The following COL7A1 variants were observed in gnomAD, a reference collection of about 807,000 sequenced individuals.
COL7A1 encodes collagen alpha-1(VII) chain.
Under a neutral mutation model 456.2 loss-of-function variants are expected in COL7A1, and 296 were observed. That is an observed-to-expected ratio of 0.65 (90% CI 0.59 to 0.71). The LOEUF is 0.71. Among genes scored for constraint, COL7A1 ranks in the 30% least tolerant of loss-of-function variants. COL7A1 has a pLI of 0.00. For missense variants in COL7A1, 3,441 were observed against 4,017.2 expected (o/e 0.86, Z 3.88); for synonymous variants, 1,464 against 1,525.9 (o/e 0.96, Z 0.95).
At position 48,594,301 on chromosome 3, in the gene COL7A1, C is replaced by T; in HGVS notation, c.266+67G>A. On this transcript the variant is annotated intron_variant, in intron 3 of 118. Transcript: ENST00000681320. This position sits in a 1 kb window ranked among gnomAD's most constrained non-coding sequence, Gnocchi z 5.5. ...CCTGGCCTGGGGTTTCCAGGGTCTC[C>T]TCCCTCTCTGGGGAAGGAGTCTTGG... 1.3e-6 allele frequency: 2 copies of T among 1,580,398 alleles called. No individual in the cohort carries two copies. Among genetic ancestry groups the T allele is most frequent in the Admixed American group, 1.7e-5 (1 of 59,848 alleles).
chr3:48,586,697 G>A lies in COL7A1; in HGVS notation c.3277-8C>T, dbSNP rs759123550. ...GTAAGACAGCAGGCCAACCTGGGGT[G>A]GAAGGAAACACAGAGCCTGAGGAGG... On this transcript the variant is annotated splice_region_variant and splice_polypyrimidine_tract_variant and intron_variant, in intron 25 of 118. Transcript: ENST00000681320. This position sits in a 1 kb window ranked among gnomAD's most constrained non-coding sequence, Gnocchi z 5.1. 13 of 1,574,512 alleles carry A rather than the reference G, an allele frequency of 8.3e-6. No individual in the cohort carries two copies. In the Admixed American group the frequency reaches 1.7e-4, roughly 21 times the overall value.
In COL7A1 at chr3:48,580,395, G is replaced by C. The variant is rs777371260; in HGVS notation, c.5053-51C>G. ...ACTCAAGGTAGGCAGCAGTTTGGGA[G>C]AGCTTTGGAAGCACCATGAGGACTC... On this transcript the variant is annotated intron_variant, in intron 55 of 118. Coordinates refer to ENST00000681320, the MANE Select transcript of COL7A1 (RefSeq NM_000094.4). The surrounding 1 kb of genome is among the most constrained non-coding windows in gnomAD (Gnocchi z 4.5). 3 of 1,591,880 alleles carry C rather than the reference G, an allele frequency of 1.9e-6. No homozygotes were observed. The highest frequency in any genetic ancestry group is 3.4e-5 in the Admixed American group (2 of 58,004).
rs769443470 is a variant in COL7A1 at position 48,580,893 on chromosome 3, G to A, written c.4969C>T (p.Arg1657Cys). ...DPGLPGKAGE[R>C]GLRGAPGVRG... The stretch of plus-strand genomic sequence containing the variant: ...CTGCCAAGACTCACCCGAAGGCCAC[G>A]CTCGCCTGCTTTTCCAGGCAAACCC... The change falls in exon 54 of 119, where the codon CGT becomes TGT. Residue 1657 changes from arginine (R) to cysteine (C), a missense_variant. By Grantham distance (180) the Arg-to-Cys change is radical. Around this residue, in one of 3 missense-constraint regions of COL7A1, gnomAD observed 2,084 missense variants for 2,501.3 expected, o/e 0.83. Transcript: ENST00000681320. This position sits in a 1 kb window ranked among gnomAD's most constrained non-coding sequence, Gnocchi z 4.5. 3.7e-6 allele frequency: 6 copies of A among 1,613,868 alleles called. No individual in the cohort carries two copies. The highest frequency in any genetic ancestry group is 1.1e-5 in the South Asian group (1 of 91,074).
In COL7A1 at chr3:48,592,153, T is replaced by A; in HGVS notation, c.1189A>T (p.Thr397Ser). The change falls in exon 10 of 119, where the codon ACC becomes TCC. Residue 397 changes from threonine to serine, a missense_variant. Physicochemically the swap from Thr to Ser is moderately conservative, Grantham distance 58 (BLOSUM62 1). Transcript: ENST00000681320. This position sits in a 1 kb window ranked among gnomAD's most constrained non-coding sequence, Gnocchi z 7.6. The stretch of plus-strand genomic sequence containing the variant: ...GGCCCCACACTGCGGCCAAATAGGG[T>A]GCTCACGGTCACCTCATAGTCCGTG... ...PGTDYEVTVS[T>S]LFGRSVGPAT... 6.2e-7 allele frequency: 1 copy of A among 1,613,694 alleles called. No homozygotes were observed. The highest frequency in any genetic ancestry group is 8.5e-7 in the Non-Finnish European group (1 of 1,179,970).
In COL7A1 at chr3:48,580,641, T is replaced by G. The variant is rs139988431; in HGVS notation, c.4992A>C (p.Gly1664=). ...CCTTTTCACCCACAGGCCCCCGAAC[T>G]CCAGGTGCCCCCTAAGAAGAGCAGC... ...AGERGLRGAP[G]VRGPVGEKGD... Residue 1664 remains glycine, a synonymous_variant, in exon 55 of 119, where the codon GGA becomes GGC. Coordinates refer to ENST00000681320, the MANE Select transcript of COL7A1 (RefSeq NM_000094.4). This position sits in a 1 kb window ranked among gnomAD's most constrained non-coding sequence, Gnocchi z 4.5. The G allele has an allele frequency of 6.0e-5, 97 of 1,613,742 alleles. No homozygotes were observed. In the African/African-American group the frequency reaches 1.1e-3, roughly 19 times the overall value.
chr3:48,570,339 A>G lies in COL7A1; in HGVS notation c.7381-5T>C, dbSNP rs1489698970. The G allele has an allele frequency of 1.9e-6, 3 of 1,613,910 alleles. No homozygotes were observed. The Admixed American group carries it at 5.0e-5, about 27-fold the overall frequency. The stretch of plus-strand genomic sequence containing the variant: ...CAGCCCTACTCCAGGGTCTCCCTGG[A>G]GACCAACAGGACACCGGGGATCAGT... On this transcript the variant is annotated splice_polypyrimidine_tract_variant and splice_region_variant and intron_variant, in intron 97 of 118. Transcript: ENST00000681320. This position sits in a 1 kb window ranked among gnomAD's most constrained non-coding sequence, Gnocchi z 5.5.
In COL7A1 at chr3:48,567,495, T is replaced by C; in HGVS notation, c.8046+79A>G. On this transcript the variant is annotated intron_variant, in intron 109 of 118. Transcript: ENST00000681320. This position sits in a 1 kb window ranked among gnomAD's most constrained non-coding sequence, Gnocchi z 4.3. The stretch of plus-strand genomic sequence containing the variant: ...AACCCTCTACAGCCTTCCTTGTCCC[T>C]ACACCCCCATGACCCGACCATGAGC... 1 of 1,590,112 alleles carries C rather than the reference T, an allele frequency of 6.3e-7. No homozygotes were observed. The highest frequency in any genetic ancestry group is 8.6e-7 in the Non-Finnish European group (1 of 1,158,810).
rs2107771956 is a variant in COL7A1 at position 48,589,334 on chromosome 3, C to T, written c.2307G>A (p.Val769=). 3.1e-6 allele frequency: 5 copies of T among 1,612,790 alleles called. No individual in the cohort carries two copies. The highest frequency in any genetic ancestry group is 3.4e-6 in the Non-Finnish European group (4 of 1,179,972). Residue 769 remains valine (V), a synonymous_variant, in exon 18 of 119, where the codon GTG becomes GTA. Coordinates refer to ENST00000681320, the MANE Select transcript of COL7A1 (RefSeq NM_000094.4). ...GVDGPPASVV[V]RTAPEPVGRV... is the part of the protein sequence containing the mutation. ...TGGCCAGGGTCCACTCACCAGTCCT[C>T]ACAACCACAGAGGCAGGGGGCCCAT...
chr3:48,586,808 C>G lies in COL7A1; in HGVS notation c.3277-119G>C. The G allele has an allele frequency of 4.7e-6, 7 of 1,503,962 alleles. No individual in the cohort carries two copies. The highest frequency in any genetic ancestry group is 6.3e-6 in the Non-Finnish European group (7 of 1,109,120). 93.2% of individuals were successfully genotyped at this position (1,503,962 alleles called of 1,614,324 possible). A position where few individuals can be genotyped will look rare whatever the true frequency, so the allele number is the denominator to read the frequency against. On this transcript the variant is annotated intron_variant, in intron 25 of 118. Transcript: ENST00000681320. The surrounding 1 kb of genome is among the most constrained non-coding windows in gnomAD (Gnocchi z 5.1). The stretch of plus-strand genomic sequence containing the variant: ...CAAACCCTATCTATTAGGGAGTCAG[C>G]AGTGATGGCAGGATAGGGAGCCAGG...
rs758686564 is a variant in COL7A1 at position 48,589,644 on chromosome 3, C to G, written c.2125G>C (p.Val709Leu). 6.2e-7 allele frequency: 1 copy of G among 1,613,862 alleles called. No individual in the cohort carries two copies. Among genetic ancestry groups the G allele is most frequent in the South Asian group, 1.1e-5 (1 of 91,078 alleles). Reference protein sequence around the residue: ...SSSVTITWTRVPGATGYRVSW... With the variant: ...SSSVTITWTRLPGATGYRVSW... ...ACCCTGTATCCTGTGGCGCCAGGAACCCTGGTCCAGGTAATGGTGACAGAT... is the reference window on the plus strand; with the variant it reads ...ACCCTGTATCCTGTGGCGCCAGGAAGCCTGGTCCAGGTAATGGTGACAGAT... The change falls in exon 17 of 119, where the codon GTT (valine) becomes CTT (leucine). Residue 709 changes from valine to leucine, a missense_variant. By Grantham distance (32) the Val-to-Leu change is conservative. Coordinates refer to ENST00000681320, the MANE Select transcript of COL7A1 (RefSeq NM_000094.4).
In COL7A1 at chr3:48,595,176, C is replaced by G. The variant is rs764022247; in HGVS notation, c.-1-16G>C. Reference sequence around the variant, plus strand: ...CAGCGTCATCCTAGGCAGTAAAAGCCGTCAGCTAGGACCCCCGCCTCTGTC... The same window carrying G: ...CAGCGTCATCCTAGGCAGTAAAAGCGGTCAGCTAGGACCCCCGCCTCTGTC... On this transcript the variant is annotated splice_polypyrimidine_tract_variant and intron_variant, in intron 1 of 118. Transcript: ENST00000681320. 2 of 1,548,426 alleles carry G rather than the reference C, an allele frequency of 1.3e-6. No homozygotes were observed. The highest frequency in any genetic ancestry group is 1.4e-5 in the African/African-American group (1 of 73,032).
intron 71 of COL7A1, 139 bp from the exon 72 acceptor site, chr3:48,576,041 C>T (rs1245598150): frequency 6.8e-7 from 1 of 1,465,356 alleles, no homozygotes; most frequent in African/African-American, 1.4e-5. Flanking sequence ...TTGGTTGAGG[C>T]ATGGCTGGAG....
In COL7A1 at chr3:48,568,092, T is replaced by G. The variant is rs888816245; in HGVS notation, c.7873A>C (p.Lys2625Gln). The G allele has an allele frequency of 6.2e-7, 1 of 1,614,180 alleles. No individual in the cohort carries two copies. Among genetic ancestry groups the G allele is most frequent in the Non-Finnish European group, 8.5e-7 (1 of 1,180,010 alleles). ...AACCAATCTTGTTTCTTTCCTACCT[T>G]GAGGCCCCGGGGACCCATGAAGCCA... ...DVGFMGPRGLKGERGVKGACG... is the reference protein window; with the variant it reads ...DVGFMGPRGLQGERGVKGACG... Residue 2625 changes from lysine to glutamine, a missense_variant and splice_region_variant, in exon 106 of 119, where the codon AAG (lysine) becomes CAG (glutamine). By Grantham distance (53) the Lys-to-Gln change is moderately conservative. Coordinates refer to ENST00000681320, the MANE Select transcript of COL7A1 (RefSeq NM_000094.4). The surrounding 1 kb of genome is among the most constrained non-coding windows in gnomAD (Gnocchi z 5.2).
chr3:48,566,254 G>A lies in COL7A1; in HGVS notation c.8407+13C>T. The A allele has an allele frequency of 1.9e-6, 3 of 1,595,550 alleles. No homozygotes were observed. The highest frequency in any genetic ancestry group is 2.6e-6 in the Non-Finnish European group (3 of 1,172,246). ...GGGGTGGAGTGGGAGACTGCGGGCT[G>A]GGCACCACTCACCACAGTGCTGACT... On this transcript the variant is annotated intron_variant, in intron 114 of 118. Transcript: ENST00000681320. The surrounding 1 kb of genome is among the most constrained non-coding windows in gnomAD (Gnocchi z 5.9).
chr3:48,581,113 G>C lies in COL7A1; in HGVS notation c.4935+9C>G, dbSNP rs1051598364. 9.3e-6 allele frequency: 15 copies of C among 1,613,790 alleles called. No homozygotes were observed. In the Admixed American group the frequency reaches 2.3e-4, roughly 25 times the overall value. ...AAGGATCAGAAACCACAGTGGGAAG[G>C]AGTCTCACCGGAGGACCCTCGTCAC... On this transcript the variant is annotated intron_variant, in intron 53 of 118. Coordinates refer to ENST00000681320, the MANE Select transcript of COL7A1 (RefSeq NM_000094.4). The surrounding 1 kb of genome is among the most constrained non-coding windows in gnomAD (Gnocchi z 5.8).
In COL7A1 at chr3:48,568,142, C is replaced by T; in HGVS notation, c.7823G>A (p.Gly2608Asp). Reference sequence around the variant, plus strand: ...AACATCTCCTTTTTCTCCTCGGATACCAGGCACTCCATCCTTTCCTGGGGA... The same window carrying T: ...AACATCTCCTTTTTCTCCTCGGATATCAGGCACTCCATCCTTTCCTGGGGA... ...PGSPGKDGVP[G>D]IRGEKGDVGF... The change falls in exon 106 of 119, where the codon GGT (glycine) becomes GAT (aspartate). Residue 2608 changes from glycine to aspartate, a missense_variant. Coordinates refer to ENST00000681320, the MANE Select transcript of COL7A1 (RefSeq NM_000094.4). The surrounding 1 kb of genome is among the most constrained non-coding windows in gnomAD (Gnocchi z 5.2). The T allele has an allele frequency of 2.5e-6, 4 of 1,614,030 alleles. No individual in the cohort carries two copies. The highest frequency in any genetic ancestry group is 3.4e-6 in the Non-Finnish European group (4 of 1,180,028).
Position 48,573,061 on chromosome 3 carries a change from C to A in COL7A1, c.6715-5G>T. ...ACCTGGAGACCCCTGTGGACCCTGACGGAGAACAAGTCGGATGTCAGGGTG... is the reference window on the plus strand; with the variant it reads ...ACCTGGAGACCCCTGTGGACCCTGAAGGAGAACAAGTCGGATGTCAGGGTG... On this transcript the variant is annotated splice_polypyrimidine_tract_variant and splice_region_variant and intron_variant, in intron 85 of 118. Transcript: ENST00000681320. This position sits in a 1 kb window ranked among gnomAD's most constrained non-coding sequence, Gnocchi z 5.5. 6.2e-7 allele frequency: 1 copy of A among 1,614,100 alleles called. No individual in the cohort carries two copies. Among genetic ancestry groups the A allele is most frequent in the Non-Finnish European group, 8.5e-7 (1 of 1,180,022 alleles).
In COL7A1 at chr3:48,573,316, C is replaced by G; in HGVS notation, c.6651G>C (p.Arg2217=). 2 of 1,613,986 alleles carry G rather than the reference C, an allele frequency of 1.2e-6. No homozygotes were observed. Among genetic ancestry groups the G allele is most frequent in the Non-Finnish European group, 1.7e-6 (2 of 1,180,020 alleles). Residue 2217 remains arginine, a splice_region_variant and synonymous_variant, in exon 84 of 119, where the codon CGG becomes CGC. Coordinates refer to ENST00000681320, the MANE Select transcript of COL7A1 (RefSeq NM_000094.4). The surrounding 1 kb of genome is among the most constrained non-coding windows in gnomAD (Gnocchi z 5.5). ...CTAACCTGTGAGCTAGGCCACTCAC[C>G]CGTCCTGGAGGTCCTGTCTCTCCAG... is the stretch of plus-strand genomic sequence containing the variant. ...GEPGETGPPG[R]GLTGPTGAVG...
At chr3:48,595,037 G>A in intron 2 of COL7A1, 38 bp downstream of exon 2, 1 of 1,495,226 alleles carries the variant, frequency 6.7e-7, no homozygotes, top group Non-Finnish European at 9.1e-7. Flanking sequence ...GTGGCACGGT[G>A]CAGTGCCCCG....
Sources: allele counts gnomAD v4.1 joint callset, GRCh38; gene constraint gnomAD v4.1.1; regional missense constraint gnomAD v4.1.1; non-coding constraint Gnocchi (gnomAD v3.1); transcripts MANE v1.5; gene names NCBI Gene and HGNC (gene_info 2026-07-23, HGNC 2026-07-21).